The following PEX19 variants were observed in gnomAD, a reference collection of about 807,000 sequenced individuals.
PEX19 encodes peroxisomal biogenesis factor 19.
A neutral mutation model predicts 36.3 loss-of-function variants in PEX19; 29 were observed. The ratio of observed to expected loss-of-function variants is 0.80; its 90% CI spans 0.60 to 1.09. The LOEUF (loss-of-function observed/expected upper bound fraction) is 1.09, where lower values mean the gene tolerates loss of function less well. Ranked by LOEUF, PEX19 falls within the 50% of genes least tolerant of loss-of-function variation. The probability of loss-of-function intolerance (pLI) is 0.00; values close to 1 mark genes in which losing one functional copy is unlikely to be tolerated. For missense variants in PEX19, 396 were observed against 368.1 expected (o/e 1.08, Z -0.62); for synonymous variants, 141 against 135.2 (o/e 1.04, Z -0.30).
chr1:160,282,828 G>A, intron 3 of PEX19, 116 bp downstream of exon 3: 28 of 1,121,820 alleles, frequency 2.5e-5, no homozygotes, highest in Admixed American at 5.4e-5. Context: ...GCCTTTACCC[G>A]TTCCTTGGCT....
At chr1:160,282,755 C>T (rs1657828327) in intron 3 of PEX19, 189 bp downstream of exon 3, 1 of 712,716 alleles carries the variant, frequency 1.4e-6, no homozygotes, top group Non-Finnish European at 2.4e-6. Flanking sequence ...ATAATGTTTT[C>T]TATTACTTTC....
At position 160,277,598 on chromosome 1, in the gene PEX19, T is replaced by C. The variant is rs1657592914; in HGVS notation, c.*1953A>G. 1 of 454,054 alleles carries C rather than the reference T, an allele frequency of 2.2e-6. No individual in the cohort carries two copies. The allele number at this position is 454,054 out of a possible 1,614,324, so 28.1% of individuals were successfully genotyped here. On this transcript the variant is annotated 3_prime_UTR_variant, in exon 8 of 8. Coordinates refer to ENST00000368072, the MANE Select transcript of PEX19 (RefSeq NM_002857.4). ...CAAAATCAAAATAAAAATGAGTGCCTTGGGAACAAAGATAAAGTGGACTAG... is the reference window on the plus strand; with the variant it reads ...CAAAATCAAAATAAAAATGAGTGCCCTGGGAACAAAGATAAAGTGGACTAG...
chr1:160,279,629 A>G lies in PEX19; in HGVS notation c.822T>C (p.Pro274=), dbSNP rs1264049195. 6.2e-7 allele frequency: 1 copy of G among 1,613,886 alleles called. No individual in the cohort carries two copies. Among genetic ancestry groups the G allele is most frequent in the African/African-American group, 1.3e-5 (1 of 74,938 alleles). ...PPKELAGEMP[P]GLNFDLDALN... is the part of the protein sequence containing the mutation. Reference sequence around the variant, plus strand: ...GGGCATCCAGGTCAAAGTTGAGGCCAGGAGGCTGGGGAAGAGATGAAGGGA... The same window carrying G: ...GGGCATCCAGGTCAAAGTTGAGGCCGGGAGGCTGGGGAAGAGATGAAGGGA... The change falls in exon 8 of 8, where the codon CCT becomes CCC. Residue 274 remains proline (P), a synonymous_variant. Transcript: ENST00000368072.
At chr1:160,283,773 C>A (rs1657885311) in intron 1 of PEX19, 134 bp from the exon 2 acceptor site, 3 of 724,188 alleles carry the variant, frequency 4.1e-6, no homozygotes, top group Non-Finnish European at 7.4e-6. Context: ...CTCCTTGAGT[C>A]CCCCACCTCC....
In PEX19 at chr1:160,282,025, G is replaced by A; in HGVS notation, c.594+14C>T. 1 of 1,611,512 alleles carries A rather than the reference G, an allele frequency of 6.2e-7. No homozygotes were observed. The highest frequency in any genetic ancestry group is 8.5e-7 in the Non-Finnish European group (1 of 1,177,642). ...GAAAATGAAGAGAAAAAGCAGAAAT[G>A]GAAGTTCACAAACCTTTTCTGTGAT... On this transcript the variant is annotated intron_variant, in intron 5 of 7. Coordinates refer to ENST00000368072, the MANE Select transcript of PEX19 (RefSeq NM_002857.4).
At position 160,276,973 on chromosome 1, in the gene PEX19, C is replaced by T. The variant is rs894171765; in HGVS notation, c.*2578G>A. On this transcript the variant is annotated 3_prime_UTR_variant, in exon 8 of 8. Transcript: ENST00000368072. ...TACAGCTTAAACCTAAGCTTTGTAA[C>T]GATTATTTTTGAGCAGCAGAAAAGG... 24 of 453,986 alleles carry T rather than the reference C, an allele frequency of 5.3e-5. No homozygotes were observed. Among genetic ancestry groups the T allele is most frequent in the African/African-American group, 1.6e-4 (8 of 50,072 alleles). The allele number at this position is 453,986 out of a possible 1,614,324, so 28.1% of individuals were successfully genotyped here.
At chr1:160,280,025 C>G in intron 6 of PEX19, 45 bp downstream of exon 6, 2 of 1,570,784 alleles carry the variant, frequency 1.3e-6, no homozygotes, top group Non-Finnish European at 1.8e-6. Context: ...CTTCACTGAA[C>G]ACCTAAGTGG....
Position 160,277,671 on chromosome 1 carries a change from G to C in PEX19, c.*1880C>G, listed in dbSNP as rs1200625671. The C allele has an allele frequency of 2.2e-6, 1 of 454,966 alleles. No homozygotes were observed. Among genetic ancestry groups the C allele is most frequent in the Admixed American group, 2.3e-5 (1 of 42,604 alleles). The allele number at this position is 454,966 out of a possible 1,614,324, so 28.2% of individuals were successfully genotyped here. A position where few individuals can be genotyped will look rare whatever the true frequency, so the allele number is the denominator to read the frequency against. On this transcript the variant is annotated 3_prime_UTR_variant, in exon 8 of 8. Coordinates refer to ENST00000368072, the MANE Select transcript of PEX19 (RefSeq NM_002857.4). ...GTAAGCCCTGGCTAGGCTAGCAGAA[G>C]TGAGAATCTGTAAAAGAAAACTGGT...
Position 160,279,609 on chromosome 1 carries a change from T to C in PEX19, c.842A>G (p.Asp281Gly), listed in dbSNP as rs2101799102. ...TGGTGGGCCCGAAAGATTGAGGGCA[T>C]CCAGGTCAAAGTTGAGGCCAGGAGG... The part of the protein sequence containing the change: ...EMPPGLNFDL[D>G]ALNLSGPPGA... Residue 281 changes from aspartate (D) to glycine (G), a missense_variant, in exon 8 of 8, where the codon GAT (aspartate) becomes GGT (glycine). Physicochemically the swap from Asp to Gly is moderately conservative, Grantham distance 94. Coordinates refer to ENST00000368072, the MANE Select transcript of PEX19 (RefSeq NM_002857.4). 6.2e-7 allele frequency: 1 copy of C among 1,614,174 alleles called. No homozygotes were observed. The highest frequency in any genetic ancestry group is 8.5e-7 in the Non-Finnish European group (1 of 1,180,004).
chr1:160,279,286 T>C lies in PEX19; in HGVS notation c.*265A>G. ...AGTGCATGCCCCAAAAGGGATGCCT[T>C]CCTTCACCTTGCAGGTAGCTGGAAC... On this transcript the variant is annotated 3_prime_UTR_variant, in exon 8 of 8. Coordinates refer to ENST00000368072, the MANE Select transcript of PEX19 (RefSeq NM_002857.4). 1 of 643,732 alleles carries C rather than the reference T, an allele frequency of 1.6e-6. No homozygotes were observed. The highest frequency in any genetic ancestry group is 2.9e-6 in the Non-Finnish European group (1 of 349,522). 39.9% of individuals were successfully genotyped at this position (643,732 alleles called of 1,614,324 possible).
At chr1:160,285,141 T>A (rs748844578), upstream of PEX19, 1 of 1,604,672 alleles carries the variant, frequency 6.2e-7, no homozygotes, top group East Asian at 2.2e-5. Context: ...ACCTCCGACT[T>A]GCCGTAGGAG....
At chr1:160,282,017 G>A (rs1418479278) in intron 5 of PEX19, 22 bp downstream of exon 5, 1 of 1,607,062 alleles carries the variant, frequency 6.2e-7, no homozygotes, top group Non-Finnish European at 8.5e-7. Context: ...AAGAGAAAAA[G>A]CAGAAATGGA....
In PEX19 at chr1:160,279,594, G is replaced by A. The variant is rs149976198; in HGVS notation, c.857C>T (p.Ser286Leu). ...LNFDLDALNL[S>L]GPPGASGEQC... is the part of the protein sequence containing the mutation. ...TTCACCACTGGCACCTGGTGGGCCC[G>A]AAAGATTGAGGGCATCCAGGTCAAA... Residue 286 changes from serine to leucine, a missense_variant, in exon 8 of 8, where the codon TCG becomes TTG. By Grantham distance (145) the Ser-to-Leu change is moderately radical (BLOSUM62 -2). Transcript: ENST00000368072. The A allele has an allele frequency of 8.1e-6, 13 of 1,614,028 alleles. No individual in the cohort carries two copies. In the Admixed American group the frequency reaches 1.3e-4, roughly 17 times the overall value.
Position 160,278,148 on chromosome 1 carries a change from G to A in PEX19, c.*1403C>T. On this transcript the variant is annotated 3_prime_UTR_variant, in exon 8 of 8. Coordinates refer to ENST00000368072, the MANE Select transcript of PEX19 (RefSeq NM_002857.4). Reference sequence around the variant, plus strand: ...GTACCTACCAACATATGTCAGCCAAGGTCCGTAGACCCACTGGGAGCCACA... The same window carrying A: ...GTACCTACCAACATATGTCAGCCAAAGTCCGTAGACCCACTGGGAGCCACA... The A allele has an allele frequency of 1.4e-6, 1 of 702,460 alleles. No homozygotes were observed. The highest frequency in any genetic ancestry group is 2.6e-6 in the Non-Finnish European group (1 of 384,984). The allele number at this position is 702,460 out of a possible 1,614,324, so 43.5% of individuals were successfully genotyped here. A position where few individuals can be genotyped will look rare whatever the true frequency, so the allele number is the denominator to read the frequency against.
chr1:160,282,807 T>C (rs951286768), intron 3 of PEX19, 137 bp downstream of exon 3: 1 of 918,970 alleles, frequency 1.1e-6, no homozygotes, highest in African/African-American at 1.6e-5. Flanking sequence ...ATTCCCATCC[T>C]TTCTCTCATT....
chr1:160,281,541 G>A (rs1021740952), intron 5 of PEX19, among the ~76,000 whole-genome samples: 3 of 152,290 alleles, frequency 2.0e-5, no homozygotes, highest in Non-Finnish European at 2.9e-5. Flanking sequence ...GAGTAGTTGC[G>A]ATCACAGGCG....
In PEX19 at chr1:160,277,766, A is replaced by G; in HGVS notation, c.*1785T>C. ...TCCCTCCTCCTCTCTATCCTTGTCCAGTTTTTGGCTGGAGCTTTAAGGAGA... is the reference window on the plus strand; with the variant it reads ...TCCCTCCTCCTCTCTATCCTTGTCCGGTTTTTGGCTGGAGCTTTAAGGAGA... On this transcript the variant is annotated 3_prime_UTR_variant, in exon 8 of 8. Coordinates refer to ENST00000368072, the MANE Select transcript of PEX19 (RefSeq NM_002857.4). The G allele has an allele frequency of 4.2e-6, 2 of 473,780 alleles. No individual in the cohort carries two copies. The highest frequency in any genetic ancestry group is 3.1e-5 in the South Asian group (2 of 64,660). The allele number at this position is 473,780 out of a possible 1,614,324, so 29.3% of individuals were successfully genotyped here. A position where few individuals can be genotyped will look rare whatever the true frequency, so the allele number is the denominator to read the frequency against.
chr1:160,283,666 G>C lies in PEX19; in HGVS notation c.71-27C>G, dbSNP rs745637388. 14 of 1,544,196 alleles carry C rather than the reference G, an allele frequency of 9.1e-6. No individual in the cohort carries two copies. Among genetic ancestry groups the C allele is most frequent in the Non-Finnish European group, 1.3e-5 (14 of 1,116,326 alleles). On this transcript the variant is annotated intron_variant, in intron 1 of 7. Coordinates refer to ENST00000368072, the MANE Select transcript of PEX19 (RefSeq NM_002857.4). ...TTCAGAGACAAGAGACATGGTGTGTGTGTTGGCGACAGATGAGAATGCAAG... is the reference window on the plus strand; with the variant it reads ...TTCAGAGACAAGAGACATGGTGTGTCTGTTGGCGACAGATGAGAATGCAAG...
Position 160,279,342 on chromosome 1 carries a change from G to C in PEX19, c.*209C>G. On this transcript the variant is annotated 3_prime_UTR_variant, in exon 8 of 8. Transcript: ENST00000368072. Reference sequence around the variant, plus strand: ...TAGTGGCAGAAACCACAATGGAGTAGGGTTCACAGAAATGGCCTGTGAAAC... The same window carrying C: ...TAGTGGCAGAAACCACAATGGAGTACGGTTCACAGAAATGGCCTGTGAAAC... 1 of 690,502 alleles carries C rather than the reference G, an allele frequency of 1.4e-6. No individual in the cohort carries two copies. The highest frequency in any genetic ancestry group is 2.6e-6 in the Non-Finnish European group (1 of 378,794). The allele number at this position is 690,502 out of a possible 1,614,324, so 42.8% of individuals were successfully genotyped here.
Sources: allele counts gnomAD v4.1 joint callset (sites outside exome capture counted in the v4.1 genomes callset), GRCh38; gene constraint gnomAD v4.1.1; transcripts MANE v1.5; gene names NCBI Gene and HGNC (gene_info 2026-07-23, HGNC 2026-07-21).